Variants in HDGFL2 observed in about 807,000 individuals in gnomAD.
HDGFL2 encodes the protein HDGF like 2, also known as hepatoma-derived growth factor-related protein 2.
In HDGFL2, 36 loss-of-function variants were observed where a neutral mutation model predicts 77.1. The observed-to-expected ratio is 0.47, with a 90% confidence interval of 0.36 to 0.62. The LOEUF (loss-of-function observed/expected upper bound fraction) is 0.62, where lower values mean the gene tolerates loss of function less well. Ranked by LOEUF, HDGFL2 falls within the 20% of genes least tolerant of loss-of-function variation. The pLI, the probability that HDGFL2 is intolerant of heterozygous loss-of-function variation, is 0.00. For missense variants in HDGFL2, 976 were observed against 973.4 expected, an observed-to-expected ratio of 1.00 and a Z score of -0.04; for synonymous variants, 463 against 413.1, an observed-to-expected ratio of 1.12 and a Z score of -1.46.
At chr19:4,480,011 G>C (rs866772252) in intron 3 of HDGFL2, among the ~76,000 whole-genome samples, 4 of 111,122 alleles carry the variant, frequency 3.6e-5, no homozygotes, top group African/African-American at 1.6e-4. Context: ...TACCTTATAA[G>C]AGAGTATAGC....
chr19:4,494,558 G>A (rs925260395), intron 9 of HDGFL2, 83 bp downstream of exon 9: 11 of 1,058,376 alleles, frequency 1.0e-5, no homozygotes, highest in Non-Finnish European at 1.2e-5. Context: ...AGTATCCCAG[G>A]TTCCGGGACC....
At position 4,473,802 on chromosome 19, in the gene HDGFL2, C is replaced by A. The variant is rs531997534; in HGVS notation, c.72+1380C>A. Reference sequence around the variant, plus strand: ...CTGTTGGGGGACCCTGGGGATTGGTCCCCTGTGGGGAGGAGGATGTAGAAG... The same window carrying A: ...CTGTTGGGGGACCCTGGGGATTGGTACCCTGTGGGGAGGAGGATGTAGAAG... On this transcript the variant is annotated intron_variant, in intron 1 of 15. Coordinates refer to ENST00000616600, the MANE Select transcript of HDGFL2 (RefSeq NM_001001520.3). Among the ~76,000 whole-genome samples, 5 of 151,948 alleles carry A rather than the reference C, an allele frequency of 3.3e-5. No individual in the cohort carries two copies. In the South Asian group the frequency reaches 1.0e-3, roughly 31 times the overall value.
chr19:4,489,040 G>A (rs911040092), intron 4 of HDGFL2, among the ~76,000 whole-genome samples, 164 bp downstream of exon 4: 1 of 145,942 alleles, frequency 6.9e-6, no homozygotes, highest in Non-Finnish European at 1.5e-5. Flanking sequence ...TGCAACCTCC[G>A]CCTCCCAGGT....
rs568456350 is a variant in HDGFL2, at chr19:4,491,798, C to T, written c.641C>T (p.Ala214Val). The T allele has an allele frequency of 2.3e-5, 37 of 1,613,976 alleles. No individual in the cohort carries two copies. In the Middle Eastern group the frequency reaches 4.9e-4, roughly 22 times the overall value. Residue 214 changes from alanine (A) to valine (V), a missense_variant, in exon 6 of 16, where the codon GCG (alanine) becomes GTG (valine). By Grantham distance (64) the Ala-to-Val change is moderately conservative. Around this residue, in one of 5 missense-constraint regions of HDGFL2, gnomAD observed 567 missense variants for 534.7 expected, o/e 1.06. Transcript: ENST00000616600. ...FTPEKKAAVR[A>V]PRRGPLGGRK... is the part of the protein sequence containing the mutation. ...CCTGAGAAGAAAGCAGCGGTCCGGG[C>T]GCCACGGAGGGGCCCTCTGGGGGGA...
intron 9 of HDGFL2, among the ~76,000 whole-genome samples, 164 bp downstream of exon 9, chr19:4,494,639 G>A (rs1204220013): frequency 6.6e-6 from 1 of 152,188 alleles, no homozygotes; most frequent in Non-Finnish European, 1.5e-5. Flanking sequence ...GAGGGAGGGG[G>A]CCGGGCTTGG....
At chr19:4,486,204 T>C (rs1374289263) in intron 3 of HDGFL2, among the ~76,000 whole-genome samples, 8 of 152,128 alleles carry the variant, frequency 5.3e-5, no homozygotes, top group African/African-American at 1.9e-4. Context: ...TTGGTGCCTG[T>C]GCTGGGAGCT....
Position 4,501,920 on chromosome 19 carries a change from G to T in HDGFL2, c.1926G>T (p.Arg642=), listed in dbSNP as rs959451922. The T allele has an allele frequency of 6.8e-7, 1 of 1,471,488 alleles. No homozygotes were observed. The allele number at this position is 1,471,488 out of a possible 1,614,324, so 91.2% of individuals were successfully genotyped here. Residue 642 remains arginine, a synonymous_variant, in exon 16 of 16, where the codon CGG becomes CGT. Transcript: ENST00000616600. ...GSSEDLHDSV[R]EGPDLDRPGS... ...TTGCTGTTCCCACCAGCAGCGTACGGGAGGGTCCCGACCTGGACAGGCCTG... is the reference window on the plus strand; with the variant it reads ...TTGCTGTTCCCACCAGCAGCGTACGTGAGGGTCCCGACCTGGACAGGCCTG...
At chr19:4,491,921 A>T in intron 6 of HDGFL2, 86 bp downstream of exon 6, 1 of 1,224,876 alleles carries the variant, frequency 8.2e-7, no homozygotes. Context: ...AGGGCGGGCC[A>T]TTTCTGGAGG....
Position 4,488,843 on chromosome 19 carries a change from C to T in HDGFL2, c.456C>T (p.Asn152=). The T allele has an allele frequency of 6.4e-7, 1 of 1,551,524 alleles. No individual in the cohort carries two copies. Among genetic ancestry groups the T allele is most frequent in the Non-Finnish European group, 8.7e-7 (1 of 1,147,020 alleles). Residue 152 remains asparagine, a synonymous_variant, in exon 4 of 16, where the codon AAC becomes AAT. Coordinates refer to ENST00000616600, the MANE Select transcript of HDGFL2 (RefSeq NM_001001520.3). ...CAGACTCAGACAAGAGTAGCGACAA[C>T]AGTGGCCTGAAGAGGAAGACGCCTG... ...SDSDSDKSSD[N]SGLKRKTPAL... is the part of the protein sequence containing the mutation.
At chr19:4,501,022 C>G (rs993774044) in intron 14 of HDGFL2, among the ~76,000 whole-genome samples, 169 bp from the exon 15 acceptor site, 1 of 152,222 alleles carries the variant, frequency 6.6e-6, no homozygotes, top group Non-Finnish European at 1.5e-5. Flanking sequence ...GCTGCAGCAT[C>G]CCATGTCAGG....
rs1248385669 is a variant in HDGFL2 at position 4,494,817 on chromosome 19, G to A, written c.1224+342G>A. ...CCTGTATAGTCCCGGCTGCTCAGGA[G>A]GCTGAGGCAGGAGGATTGCTTGAGC... On this transcript the variant is annotated intron_variant, in intron 9 of 15. Transcript: ENST00000616600. Among the ~76,000 whole-genome samples the A allele has an allele frequency of 2.0e-5, 3 of 152,186 alleles. No individual in the cohort carries two copies. The East Asian group carries it at 5.8e-4, about 29-fold the overall frequency.
At chr19:4,487,027 G>A (rs2145181034) in intron 3 of HDGFL2, among the ~76,000 whole-genome samples, 1 of 152,012 alleles carries the variant, frequency 6.6e-6, no homozygotes, top group South Asian at 2.1e-4. Flanking sequence ...GTGCAGTGGT[G>A]TGATCTCGGC....
rs35666480 is a variant in HDGFL2 at position 4,492,340 on chromosome 19, CTGTG to C, written c.678+513_678+516del. Among the ~76,000 whole-genome samples, 1,377 of 151,400 alleles carry C rather than the reference CTGTG, an allele frequency of 9.1e-3. 17 individuals are homozygous for C. The highest frequency in any genetic ancestry group is 0.032 in the African/African-American group (1,301 of 41,200). On this transcript the variant is annotated intron_variant, in intron 6 of 15. Transcript: ENST00000616600. ...TGTGTCGTGTGTGCACATGTCGTGCCTGTGTGTGTGTTTCTGGTGCCTGTGTCCC... is the reference window on the plus strand; with the variant it reads ...TGTGTCGTGTGTGCACATGTCGTGCCTGTGTGTTTCTGGTGCCTGTGTCCC...
chr19:4,497,901 C>T, intron 10 of HDGFL2, 57 bp from the exon 11 acceptor site: 2 of 1,460,908 alleles, frequency 1.4e-6, no homozygotes, highest in Non-Finnish European at 1.9e-6. Context: ...AGGCGCCAGC[C>T]CCTCAGTGGC....
chr19:4,477,588 C>T (rs760746192), intron 3 of HDGFL2, among the ~76,000 whole-genome samples: 17 of 152,134 alleles, frequency 1.1e-4, no homozygotes, highest in Non-Finnish European at 2.5e-4. Context: ...CTCATTACCT[C>T]CTGGTGAATC....
At position 4,491,452 on chromosome 19, in the gene HDGFL2, C is replaced by T. The variant is rs944880797; in HGVS notation, c.490-114C>T. On this transcript the variant is annotated intron_variant, in intron 4 of 15. Coordinates refer to ENST00000616600, the MANE Select transcript of HDGFL2 (RefSeq NM_001001520.3). The stretch of plus-strand genomic sequence containing the variant: ...ATCAGGTTCTCAGAGGGTTCCTGGC[C>T]CGCCAGAGAGGTTCCAGAGCTCAGC... 3.4e-5 allele frequency: 28 copies of T among 824,854 alleles called. No homozygotes were observed. The Admixed American group carries it at 6.3e-4, about 18-fold the overall frequency. 51.1% of individuals were successfully genotyped at this position (824,854 alleles called of 1,614,324 possible).
rs1457662074 is a variant in HDGFL2 at position 4,494,484 on chromosome 19, G to C, written c.1224+9G>C. On this transcript the variant is annotated intron_variant, in intron 9 of 15. Transcript: ENST00000616600. Reference sequence around the variant, plus strand: ...CCGAGCTGGAGAGAGAGGTGAGCCGGGAGGGCGCCGGGAGTCCCTGCCTTC... The same window carrying C: ...CCGAGCTGGAGAGAGAGGTGAGCCGCGAGGGCGCCGGGAGTCCCTGCCTTC... 2 of 1,373,558 alleles carry C rather than the reference G, an allele frequency of 1.5e-6. No homozygotes were observed. The highest frequency in any genetic ancestry group is 1.9e-6 in the Non-Finnish European group (2 of 1,067,574). 85.1% of individuals were successfully genotyped at this position (1,373,558 alleles called of 1,614,324 possible). A position where few individuals can be genotyped will look rare whatever the true frequency, so the allele number is the denominator to read the frequency against.
chr19:4,475,056 T>G lies in HDGFL2; in HGVS notation c.73-219T>G, dbSNP rs572742762. 1.1e-4 allele frequency: 60 copies of G among 566,082 alleles called. No homozygotes were observed. In the South Asian group the frequency reaches 1.2e-3, roughly 11 times the overall value. 35.1% of individuals were successfully genotyped at this position (566,082 alleles called of 1,614,324 possible). A position where few individuals can be genotyped will look rare whatever the true frequency, so the allele number is the denominator to read the frequency against. Reference sequence around the variant, plus strand: ...GTGGAGCACCTGCCCTGGGGCCAGCTCCGTCCCTGGGGTAGGGGGAGAGCT... The same window carrying G: ...GTGGAGCACCTGCCCTGGGGCCAGCGCCGTCCCTGGGGTAGGGGGAGAGCT... On this transcript the variant is annotated intron_variant, in intron 1 of 15. Coordinates refer to ENST00000616600, the MANE Select transcript of HDGFL2 (RefSeq NM_001001520.3).
intron 9 of HDGFL2, 43 bp from the exon 10 acceptor site, chr19:4,496,259 C>G: frequency 6.6e-7 from 1 of 1,523,224 alleles, no homozygotes; most frequent in Admixed American, 1.7e-5. Flanking sequence ...CTGGGTAATC[C>G]CCTCTTCCCA....
Sources: allele counts gnomAD v4.1 joint callset (sites outside exome capture counted in the v4.1 genomes callset), GRCh38; gene constraint gnomAD v4.1.1; regional missense constraint gnomAD v4.1.1; transcripts MANE v1.5; gene names NCBI Gene and HGNC (gene_info 2026-07-23, HGNC 2026-07-21).